FER: variants seen among roughly 807,000 people sequenced by gnomAD.
The protein encoded by FER is FER tyrosine kinase, also known as tyrosine-protein kinase Fer.
In FER, 63 loss-of-function variants were observed where a neutral mutation model predicts 111.0. That is an observed-to-expected ratio of 0.57 (90% confidence interval 0.46 to 0.70). The LOEUF (loss-of-function observed/expected upper bound fraction) is 0.70, where lower values mean the gene tolerates loss of function less well. Ranked by LOEUF, FER falls within the 30% of genes least tolerant of loss-of-function variation. The pLI is 0.00. For synonymous variants in FER, 327 were observed against 313.9 expected, an observed-to-expected ratio of 1.04 and a Z score of -0.44; for missense variants, 914 against 954.0, an observed-to-expected ratio of 0.96 and a Z score of 0.55.
At chr5:109,174,586 C>G (rs1757483882) in intron 17 of FER, among the ~76,000 whole-genome samples, 3 of 152,164 alleles carry the variant, frequency 2.0e-5, no homozygotes, top group Admixed American at 2.0e-4. Context: ...TCCTACTGTC[C>G]TTCATCAGGA....
chr5:108,964,340 C>T (rs550350936), intron 13 of FER, among the ~76,000 whole-genome samples: 4 of 152,072 alleles, frequency 2.6e-5, no homozygotes, highest in Admixed American at 2.0e-4. Flanking sequence ...TGGACAGAGA[C>T]GTAAATGGAA....
chr5:109,185,104 G>GAAAA (rs1373156596), intron 18 of FER, among the ~76,000 whole-genome samples: 5 of 152,188 alleles, frequency 3.3e-5, no homozygotes, highest in African/African-American at 1.2e-4. Flanking sequence ...CTGGAGATTG[G>GAAAA]AAAAAACTGA....
At chr5:108,922,658 A>G (rs1753177685) in intron 10 of FER, among the ~76,000 whole-genome samples, 1 of 152,118 alleles carries the variant, frequency 6.6e-6, no homozygotes, top group South Asian at 2.1e-4. Context: ...GGAATAAAAT[A>G]TAGGAAAATA....
intron 13 of FER, among the ~76,000 whole-genome samples, chr5:109,022,942 T>C (rs1002587833): frequency 6.6e-6 from 1 of 152,150 alleles, no homozygotes; most frequent in African/African-American, 2.4e-5. Context: ...GTTTTTAATC[T>C]AAGAGCAATG....
intron 3 of FER, among the ~76,000 whole-genome samples, chr5:108,799,211 A>T (rs149759167): frequency 1.3e-5 from 2 of 152,382 alleles, no homozygotes; most frequent in Admixed American, 1.3e-4. Context: ...TCATATAAAA[A>T]TAAGGGCCAG....
intron 13 of FER, among the ~76,000 whole-genome samples, chr5:109,016,155 C>T (rs1223720347): frequency 6.6e-6 from 1 of 152,024 alleles, no homozygotes; most frequent in African/African-American, 2.4e-5. Flanking sequence ...TAATTACATG[C>T]TAATGTTATA....
At chr5:109,037,283 G>T (rs1183658420) in intron 13 of FER, 139 bp from the exon 14 acceptor site, 8 of 639,764 alleles carry the variant, frequency 1.3e-5, no homozygotes, top group African/African-American at 3.7e-5. Context: ...GCATCTTGGG[G>T]TTATAACTTC....
intron 17 of FER, among the ~76,000 whole-genome samples, chr5:109,126,146 T>C (rs1327562622): frequency 6.6e-6 from 1 of 152,222 alleles, no homozygotes; most frequent in Non-Finnish European, 1.5e-5. Context: ...AGTTCTTAGC[T>C]GTAAAACACG....
intron 1 of FER, among the ~76,000 whole-genome samples, chr5:108,751,145 T>C (rs561022358): frequency 9.5e-4 from 144 of 151,952 alleles, no homozygotes; most frequent in Non-Finnish European, 1.2e-3. Context: ...TGAGTGGAGA[T>C]CACACCATTG....
chr5:109,055,259 A>AT (rs1417658584), intron 16 of FER, among the ~76,000 whole-genome samples: 1 of 152,190 alleles, frequency 6.6e-6, no homozygotes, highest in East Asian at 1.9e-4. Flanking sequence ...CTTGGTGATG[A>AT]TTTTTTGGAT....
At chr5:109,186,116 A>G (rs1414057459) in intron 18 of FER, 84 bp from the exon 19 acceptor site, 1 of 1,562,162 alleles carries the variant, frequency 6.4e-7, no homozygotes, top group East Asian at 2.2e-5. Flanking sequence ...GTGGTGCATG[A>G]CTGACACAGA....
intron 2 of FER, among the ~76,000 whole-genome samples, chr5:108,797,112 C>G (rs1037773395): frequency 6.6e-6 from 1 of 151,984 alleles, no homozygotes; most frequent in Admixed American, 6.6e-5. Context: ...ACTGGGTCCT[C>G]CCTTTCAAGG....
At chr5:108,784,994 C>T (rs564807560) in intron 2 of FER, 116 of 261,220 alleles carry the variant, frequency 4.4e-4, no homozygotes, top group Non-Finnish European at 7.1e-4. Context: ...GATTTGGGGG[C>T]CTGTTCCCAA....
intron 16 of FER, among the ~76,000 whole-genome samples, chr5:109,098,705 C>T (rs946167592): frequency 4.0e-5 from 6 of 151,384 alleles, no homozygotes; most frequent in Non-Finnish European, 5.9e-5. Context: ...GGTTTTGTTC[C>T]GATTTTTAAG....
intron 9 of FER, among the ~76,000 whole-genome samples, chr5:108,890,955 T>G (rs1490582886): frequency 6.6e-6 from 1 of 152,124 alleles, no homozygotes; most frequent in Admixed American, 6.6e-5. Flanking sequence ...ATGTTTAGTT[T>G]AGTTTTGTAC....
At chr5:108,981,696 A>T (rs1386175861) in intron 13 of FER, among the ~76,000 whole-genome samples, 1 of 152,090 alleles carries the variant, frequency 6.6e-6, no homozygotes, top group African/African-American at 2.4e-5. Flanking sequence ...AAATCTTACG[A>T]GGTGGATATT....
intron 10 of FER, among the ~76,000 whole-genome samples, chr5:108,915,565 C>T (rs1283515040): frequency 1.3e-5 from 2 of 151,200 alleles, no homozygotes; most frequent in African/African-American, 2.4e-5. Flanking sequence ...GGAGCCTGAG[C>T]GTTGTTCTTA....
chr5:109,041,278 A>C (rs1351637132), intron 14 of FER, among the ~76,000 whole-genome samples: 1 of 152,152 alleles, frequency 6.6e-6, no homozygotes, highest in Non-Finnish European at 1.5e-5. Context: ...TTTACAGATT[A>C]ACAGAGGAGC....
chr5:108,782,988 A>G (rs2150000249), intron 2 of FER, among the ~76,000 whole-genome samples: 1 of 152,312 alleles, frequency 6.6e-6, no homozygotes, highest in Admixed American at 6.5e-5. Flanking sequence ...GTCTTCTACT[A>G]ATAGTACACT....
Sources: allele counts gnomAD v4.1 joint callset (sites outside exome capture counted in the v4.1 genomes callset), GRCh38; gene constraint gnomAD v4.1.1; transcripts MANE v1.5; gene names NCBI Gene and HGNC (gene_info 2026-07-23, HGNC 2026-07-21).